Variants in ST8SIA6 observed in about 807,000 individuals in gnomAD.
The protein encoded by ST8SIA6 is ST8 alpha-N-acetyl-neuraminide alpha-2,8-sialyltransferase 6, also known as alpha-2,8-sialyltransferase 8F.
In ST8SIA6, 39 loss-of-function variants were observed where a neutral mutation model predicts 33.6. That is an observed-to-expected ratio of 1.16 (90% CI 0.90 to 1.52). The LOEUF is 1.52. ST8SIA6 is among the 40% of genes most tolerant of loss of function. The probability of loss-of-function intolerance (pLI) is 0.00; values close to 1 mark genes in which losing one functional copy is unlikely to be tolerated. For missense variants in ST8SIA6, 441 were observed against 443.8 expected, an observed-to-expected ratio of 0.99 and a Z score of 0.06; for synonymous variants, 172 against 167.2, an observed-to-expected ratio of 1.03 and a Z score of -0.22.
At chr10:17,417,211 G>T (rs779091823) in intron 2 of ST8SIA6, among the ~76,000 whole-genome samples, 2 of 152,080 alleles carry the variant, frequency 1.3e-5, no homozygotes, top group African/African-American at 4.8e-5. Context: ...TGAACTCAGA[G>T]AATAAGAACT....
chr10:17,374,058 A>C (rs1489778231), intron 3 of ST8SIA6, among the ~76,000 whole-genome samples: 6 of 146,254 alleles, frequency 4.1e-5, no homozygotes, highest in Admixed American at 2.1e-4. Flanking sequence ...TTATCTTTTA[A>C]CATCAACAAC....
intron 2 of ST8SIA6, among the ~76,000 whole-genome samples, 157 bp downstream of exon 2, chr10:17,453,402 C>G (rs763918570): frequency 1.3e-4 from 20 of 151,914 alleles, no homozygotes; most frequent in Non-Finnish European, 2.5e-4. Flanking sequence ...GTGCCCCCCC[C>G]CAACCCCGCG....
intron 2 of ST8SIA6, among the ~76,000 whole-genome samples, chr10:17,449,627 C>T (rs1193991210): frequency 1.3e-5 from 2 of 152,178 alleles, no homozygotes; most frequent in African/African-American, 4.8e-5. Context: ...AGCACATTAA[C>T]CATCTTACCT....
At chr10:17,351,908 G>A (rs1327611731) in intron 4 of ST8SIA6, among the ~76,000 whole-genome samples, 1 of 152,048 alleles carries the variant, frequency 6.6e-6, no homozygotes, top group East Asian at 1.9e-4. Context: ...AGGAGATGAT[G>A]GTCAAAGGGT....
intron 2 of ST8SIA6, among the ~76,000 whole-genome samples, chr10:17,444,578 A>C (rs186454525): frequency 4.6e-5 from 7 of 152,300 alleles, no homozygotes; most frequent in African/African-American, 1.7e-4. Context: ...GTGCACGTGA[A>C]AAGACACCCA....
At chr10:17,381,442 G>C (rs443588) in intron 3 of ST8SIA6, among the ~76,000 whole-genome samples, 48,426 of 151,804 alleles carry the variant, frequency 0.32, 8,385 homozygotes, top group East Asian at 0.64. Context: ...TGTTTCACTA[G>C]TAAAAATACA....
chr10:17,406,204 G>A (rs1040913792), intron 2 of ST8SIA6, among the ~76,000 whole-genome samples: 1 of 152,142 alleles, frequency 6.6e-6, no homozygotes, highest in African/African-American at 2.4e-5. Context: ...GCAGGGCAGA[G>A]AATTGCAAAG....
intron 2 of ST8SIA6, among the ~76,000 whole-genome samples, chr10:17,438,597 T>C (rs1295931405): frequency 6.6e-6 from 1 of 152,178 alleles, no homozygotes; most frequent in Non-Finnish European, 1.5e-5. Flanking sequence ...GCTGAGACTT[T>C]CCAGTCCAAA....
intron 2 of ST8SIA6, among the ~76,000 whole-genome samples, chr10:17,395,699 A>G (rs896503003): frequency 3.3e-5 from 5 of 152,142 alleles, no homozygotes; most frequent in East Asian, 1.9e-4. Flanking sequence ...CCTGACCAAC[A>G]TGGAGAAACC....
intron 2 of ST8SIA6, among the ~76,000 whole-genome samples, chr10:17,426,440 T>C (rs1259044517): frequency 6.6e-6 from 1 of 152,170 alleles, no homozygotes; most frequent in Admixed American, 6.5e-5. Context: ...TGTGGAGAGT[T>C]CTGGGAGCCA....
chr10:17,392,335 A>G lies in ST8SIA6; in HGVS notation c.201-1715T>C, dbSNP rs188951041. 1.9e-3 allele frequency among the ~76,000 whole-genome samples: 288 copies of G among 152,252 alleles called. 1 individual carries two copies. Among genetic ancestry groups the G allele is most frequent in the African/African-American group, 6.7e-3 (280 of 41,544 alleles). ...GATGGAGACACCCAAGGATGATCCA[A>G]ACAAAGTGGGTAGTGCGTTCAAGGC... On this transcript the variant is annotated intron_variant, in intron 2 of 7. Transcript: ENST00000377602.
intron 2 of ST8SIA6, among the ~76,000 whole-genome samples, chr10:17,407,010 T>G (rs1483692949): frequency 6.6e-6 from 1 of 152,094 alleles, no homozygotes; most frequent in Non-Finnish European, 1.5e-5. Flanking sequence ...CCAGGCTGCC[T>G]TGAACTCCTG....
intron 4 of ST8SIA6, among the ~76,000 whole-genome samples, chr10:17,341,131 C>A (rs1456465415): frequency 6.6e-6 from 1 of 152,244 alleles, no homozygotes. Context: ...GCAGTGTGCA[C>A]TGGCTTTCCA....
At chr10:17,367,825 A>G (rs752137038) in intron 3 of ST8SIA6, among the ~76,000 whole-genome samples, 13 of 152,204 alleles carry the variant, frequency 8.5e-5, no homozygotes, top group Non-Finnish European at 1.0e-4. Flanking sequence ...AAGTTACAAC[A>G]GTAAATAAGC....
intron 3 of ST8SIA6, among the ~76,000 whole-genome samples, chr10:17,381,416 G>C (rs1819121549): frequency 6.6e-6 from 1 of 151,986 alleles, no homozygotes; most frequent in African/African-American, 2.4e-5. Context: ...TATGTTTTTA[G>C]GTGTTGTGTA....
chr10:17,412,625 G>A (rs1236954523), intron 2 of ST8SIA6, among the ~76,000 whole-genome samples: 1 of 152,124 alleles, frequency 6.6e-6, no homozygotes, highest in Non-Finnish European at 1.5e-5. Context: ...ATCCTTTTTA[G>A]GACTAAACCT....
At chr10:17,370,773 G>A (rs561783120) in intron 3 of ST8SIA6, among the ~76,000 whole-genome samples, 9 of 152,238 alleles carry the variant, frequency 5.9e-5, no homozygotes, top group South Asian at 2.1e-4. Context: ...AATGGCAAAC[G>A]TATGCATATA....
At chr10:17,351,515 C>G (rs547496049) in intron 4 of ST8SIA6, among the ~76,000 whole-genome samples, 27 of 146,196 alleles carry the variant, frequency 1.8e-4, no homozygotes, top group African/African-American at 6.4e-4. Flanking sequence ...TCCTAGGGCC[C>G]CACATAACAT....
intron 2 of ST8SIA6, chr10:17,409,286 A>ATAGCTCAG (rs1365887148): frequency 1.3e-5 from 2 of 152,454 alleles, no homozygotes; most frequent in African/African-American, 2.4e-5. Flanking sequence ...CTATAGCTCA[A>ATAGCTCAG]CTTTTACATA....
Sources: gnomAD v4.1 joint callset for allele counts (sites outside exome capture counted in the v4.1 genomes callset) on GRCh38, gnomAD v4.1.1 for gene constraint, MANE v1.5 for transcripts, NCBI Gene and HGNC (gene_info 2026-07-23, HGNC 2026-07-21) for gene names.